The following EPB41L4B variants were observed in gnomAD, a reference collection of about 807,000 sequenced individuals.
The protein encoded by EPB41L4B is erythrocyte membrane protein band 4.1 like 4B.
Under a neutral mutation model 112.5 loss-of-function variants are expected in EPB41L4B, and 30 were observed. That is an observed-to-expected ratio of 0.27 (90% CI 0.20 to 0.36). The LOEUF is 0.36. EPB41L4B is among the 10% of genes least tolerant of loss of function. The pLI is 1.00. For missense variants in EPB41L4B, 1,024 were observed against 1,133.3 expected, an observed-to-expected ratio of 0.90 and a Z score of 1.38; for synonymous variants, 408 against 439.7, an observed-to-expected ratio of 0.93 and a Z score of 0.90.
rs941721744 is a variant in EPB41L4B, at chr9:109,185,241, C to A, written c.2418+248G>T. On this transcript the variant is annotated intron_variant, in intron 23 of 25. Coordinates refer to ENST00000374566, the MANE Select transcript of EPB41L4B (RefSeq NM_019114.5). ...GAAAGCATCTATGCTCATCAAAATT[C>A]TAGGAAAACAAACTCTTCTTGATTC... 3.9e-5 allele frequency among the ~76,000 whole-genome samples: 6 copies of A among 152,218 alleles called. No homozygotes were observed. In the East Asian group the frequency reaches 1.2e-3, roughly 29 times the overall value.
At chr9:109,316,958 A>T (rs932950815) in intron 1 of EPB41L4B, among the ~76,000 whole-genome samples, 3 of 152,256 alleles carry the variant, frequency 2.0e-5, no homozygotes, top group African/African-American at 7.2e-5. Context: ...TTTTTTAATT[A>T]GCCGGGTGTA....
intron 6 of EPB41L4B, among the ~76,000 whole-genome samples, chr9:109,261,911 G>C (rs1192398337): frequency 6.6e-6 from 1 of 152,212 alleles, no homozygotes; most frequent in African/African-American, 2.4e-5. Flanking sequence ...AATTATGAAT[G>C]AATATGTCAT....
Position 109,185,518 on chromosome 9 carries a change from A to G in EPB41L4B, c.2389T>C (p.Cys797Arg). 3.7e-6 allele frequency: 6 copies of G among 1,613,944 alleles called. No homozygotes were observed. Among genetic ancestry groups the G allele is most frequent in the Non-Finnish European group, 5.1e-6 (6 of 1,179,904 alleles). Residue 797 changes from cysteine (C) to arginine (R), a missense_variant, in exon 23 of 26, where the codon TGC (cysteine) becomes CGC (arginine). By Grantham distance (180) the Cys-to-Arg change is radical. Coordinates refer to ENST00000374566, the MANE Select transcript of EPB41L4B (RefSeq NM_019114.5). The stretch of plus-strand genomic sequence containing the variant: ...CTCGTTTTGATTGGAGGGTACATGC[A>G]AACTCCAGTGGTCTCTTCCTTCATG... ...LPMKEETTGV[C>R]MYPPIKTRLI...
intron 7 of EPB41L4B, 56 bp from the exon 8 acceptor site, chr9:109,256,536 C>A: frequency 6.8e-7 from 1 of 1,476,732 alleles, no homozygotes; most frequent in South Asian, 1.2e-5. Flanking sequence ...CCACAGGATT[C>A]TGAAGGGCAC....
intron 1 of EPB41L4B, among the ~76,000 whole-genome samples, chr9:109,305,439 T>G (rs563165887): frequency 1.2e-3 from 183 of 152,084 alleles, no homozygotes; most frequent in Non-Finnish European, 2.4e-3. Flanking sequence ...GCTCACATGG[T>G]GAAACCCGGT....
In EPB41L4B at chr9:109,255,836, T is replaced by A. The variant is rs1259761146; in HGVS notation, c.937A>T (p.Ile313Phe). 6.2e-7 allele frequency: 1 copy of A among 1,613,766 alleles called. No individual in the cohort carries two copies. ...NKIGLFFWPK[I>F]TKMDFKKSKL... ...CTCTTTTTAAAATCCATTTTGGTAA[T>A]TTTAGGCCTAGTCAGACAGAAAGCA... Residue 313 changes from isoleucine (I) to phenylalanine (F), a missense_variant, in exon 10 of 26, where the codon ATT becomes TTT. Ile to Phe is a conservative substitution (Grantham distance 21). Transcript: ENST00000374566.
At chr9:109,215,634 C>A (rs1047888452) in intron 16 of EPB41L4B, among the ~76,000 whole-genome samples, 1 of 152,144 alleles carries the variant, frequency 6.6e-6, no homozygotes, top group East Asian at 1.9e-4. Flanking sequence ...ATTATAGGCA[C>A]GTACCACTGC....
chr9:109,259,075 T>C (rs1158165722), intron 6 of EPB41L4B, among the ~76,000 whole-genome samples: 3 of 151,832 alleles, frequency 2.0e-5, no homozygotes, highest in African/African-American at 7.3e-5. Context: ...TGAAAAGGAA[T>C]CCTCTAGAGT....
intron 5 of EPB41L4B, among the ~76,000 whole-genome samples, 154 bp downstream of exon 5, chr9:109,264,826 C>T (rs976241597): frequency 3.9e-5 from 6 of 152,200 alleles, no homozygotes; most frequent in Non-Finnish European, 8.8e-5. Context: ...ATGATAATGA[C>T]AGTGATACAA....
chr9:109,319,136 T>C (rs1303422470), intron 1 of EPB41L4B, among the ~76,000 whole-genome samples: 1 of 152,262 alleles, frequency 6.6e-6, no homozygotes, highest in Non-Finnish European at 1.5e-5. Context: ...AGGCACCGTC[T>C]GCCGCAGCGC....
chr9:109,320,348 G>C lies in EPB41L4B; in HGVS notation c.99C>G (p.Arg33=). ...GRGAAGLGDE[R]DGGPRGGPAA... Reference sequence around the variant, plus strand: ...CCGGGCCCCCCCGTGGCCCCCCATCGCGCTCGTCCCCCAGCCCGGCGGCCC... The same window carrying C: ...CCGGGCCCCCCCGTGGCCCCCCATCCCGCTCGTCCCCCAGCCCGGCGGCCC... Residue 33 remains arginine (R), a synonymous_variant, in exon 1 of 26, where the codon CGC becomes CGG. Transcript: ENST00000374566. The C allele has an allele frequency of 2.0e-6, 2 of 984,792 alleles. No homozygotes were observed. Among genetic ancestry groups the C allele is most frequent in the Non-Finnish European group, 2.4e-6 (2 of 830,912 alleles). The allele number at this position is 984,792 out of a possible 1,614,324, so 61.0% of individuals were successfully genotyped here. A position where few individuals can be genotyped will look rare whatever the true frequency, so the allele number is the denominator to read the frequency against.
intron 12 of EPB41L4B, among the ~76,000 whole-genome samples, chr9:109,252,189 T>C (rs2119011370): frequency 6.6e-6 from 1 of 152,272 alleles, no homozygotes; most frequent in East Asian, 1.9e-4. Context: ...GTCCCTCCCT[T>C]TGTGCTGTAT....
intron 14 of EPB41L4B, among the ~76,000 whole-genome samples, chr9:109,247,173 G>A (rs1384769588): frequency 1.5e-5 from 2 of 129,194 alleles, no homozygotes; most frequent in East Asian, 4.8e-4. Flanking sequence ...CTCAAGACTA[G>A]TTTTTTTTTT....
chr9:109,274,224 T>C (rs758021767), intron 2 of EPB41L4B, among the ~76,000 whole-genome samples: 10 of 152,122 alleles, frequency 6.6e-5, no homozygotes, highest in Admixed American at 3.3e-4. Context: ...AAAAGCAGCT[T>C]AGGGAAGGAC....
rs375443441 is a variant in EPB41L4B at position 109,320,260 on chromosome 9, C to A, written c.187G>T (p.Gly63Cys). The A allele has an allele frequency of 2.2e-4, 269 of 1,213,208 alleles. 4 individuals are homozygous for A. The South Asian group carries it at 8.9e-3, about 40-fold the overall frequency. The allele number at this position is 1,213,208 out of a possible 1,614,324, so 75.2% of individuals were successfully genotyped here. Residue 63 changes from glycine (G) to cysteine (C), a missense_variant, in exon 1 of 26, where the codon GGC becomes TGC. Coordinates refer to ENST00000374566, the MANE Select transcript of EPB41L4B (RefSeq NM_019114.5). ...APGGSVFPAG[G>C]GPLLTGGAAV... ...GCGCCGCCGGTGAGCAGGGGCCCGC[C>A]GCCCGCCGGGAACACGCTGCCCCCG...
At chr9:109,236,622 G>A (rs372677912) in intron 15 of EPB41L4B, among the ~76,000 whole-genome samples, 44 of 152,298 alleles carry the variant, frequency 2.9e-4, no homozygotes, top group African/African-American at 1.0e-3. Flanking sequence ...CACATTTTTA[G>A]TAAGTTGTCC....
intron 17 of EPB41L4B, among the ~76,000 whole-genome samples, chr9:109,208,342 A>T (rs527930276): frequency 2.0e-5 from 3 of 152,194 alleles, no homozygotes; most frequent in African/African-American, 7.2e-5. Flanking sequence ...AGAAGAGGAC[A>T]TCTCCTGGTT....
intron 17 of EPB41L4B, among the ~76,000 whole-genome samples, chr9:109,208,464 T>C (rs911905182): frequency 6.6e-6 from 1 of 152,218 alleles, no homozygotes; most frequent in South Asian, 2.1e-4. Flanking sequence ...AAAATATTCA[T>C]TGGTAGTTTG....
At chr9:109,313,438 G>A (rs1301045644) in intron 1 of EPB41L4B, among the ~76,000 whole-genome samples, 1 of 152,186 alleles carries the variant, frequency 6.6e-6, no homozygotes, top group African/African-American at 2.4e-5. Context: ...TGGTGGGGGG[G>A]CACACCAGGA....
Sources: gnomAD v4.1 joint callset for allele counts (sites outside exome capture counted in the v4.1 genomes callset) on GRCh38, gnomAD v4.1.1 for gene constraint, MANE v1.5 for transcripts, NCBI Gene and HGNC (gene_info 2026-07-23, HGNC 2026-07-21) for gene names.